KCNK10: variants seen among roughly 807,000 people sequenced by gnomAD.
KCNK10 encodes potassium two pore domain channel subfamily K member 10, also known as potassium channel subfamily K member 10.
A neutral mutation model predicts 47.7 loss-of-function variants in KCNK10; 25 were observed. That is an observed-to-expected ratio of 0.52 (90% confidence interval 0.38 to 0.73). The LOEUF is 0.73. KCNK10 is among the 30% of genes least tolerant of loss of function. The pLI, the probability that KCNK10 is intolerant of heterozygous loss-of-function variation, is 0.00. For missense variants in KCNK10, 563 were observed against 714.5 expected, an observed-to-expected ratio of 0.79 and a Z score of 2.42; for synonymous variants, 303 against 285.6, an observed-to-expected ratio of 1.06 and a Z score of -0.61.
chr14:88,205,647 T>C (rs545899114), intron 4 of KCNK10, among the ~76,000 whole-genome samples: 27 of 148,614 alleles, frequency 1.8e-4, no homozygotes, highest in Non-Finnish European at 1.0e-4. Context: ...CGGGTTCAAG[T>C]GATTCTCCTG....
intron 4 of KCNK10, among the ~76,000 whole-genome samples, chr14:88,218,910 A>G (rs1885710267): frequency 6.6e-6 from 1 of 152,220 alleles, no homozygotes; most frequent in Non-Finnish European, 1.5e-5. Flanking sequence ...CTCAGGAAGA[A>G]TTATTTTTAC....
intron 1 of KCNK10, among the ~76,000 whole-genome samples, chr14:88,316,089 C>T (rs1840249913): frequency 6.6e-6 from 1 of 152,054 alleles, no homozygotes; most frequent in Admixed American, 6.6e-5. Flanking sequence ...CTAAAATCTC[C>T]TGAAATCCCA....
intron 3 of KCNK10, among the ~76,000 whole-genome samples, chr14:88,239,377 T>A (rs1301202769): frequency 6.6e-6 from 1 of 151,996 alleles, no homozygotes; most frequent in Non-Finnish European, 1.5e-5. Flanking sequence ...GTGCCAAGAG[T>A]TATCATTTAA....
At chr14:88,323,630 G>A (rs1228585069), upstream of KCNK10, 2 of 151,464 alleles carry the variant, frequency 1.3e-5, no homozygotes, top group Non-Finnish European at 3.0e-5. Context: ...ACGAGCGGTG[G>A]GCGCGCCGCT....
Position 88,287,694 on chromosome 14 carries a change from T to G in KCNK10, c.53-24143A>C, listed in dbSNP as rs1374193178. 1.1e-4 allele frequency among the ~76,000 whole-genome samples: 9 copies of G among 81,148 alleles called. No homozygotes were observed. The East Asian group carries it at 2.0e-3, about 18-fold the overall frequency. The allele number at this position is 81,148 out of a possible 152,430, so 53.2% of individuals were successfully genotyped here. ...TCCATGGTGTGTGTGTGTGTGTGTG[T>G]GTGTGTGTGTGTGTGTGTGTGTGTG... is the stretch of plus-strand genomic sequence containing the variant. On this transcript the variant is annotated intron_variant, in intron 1 of 6. Coordinates refer to ENST00000319231, the MANE Select transcript of KCNK10 (RefSeq NM_138317.3).
At chr14:88,266,850 C>T (rs924790739) in intron 1 of KCNK10, among the ~76,000 whole-genome samples, 5 of 152,174 alleles carry the variant, frequency 3.3e-5, no homozygotes, top group East Asian at 1.9e-4. Context: ...GGCTGGACTC[C>T]GTCACTGACC....
At chr14:88,230,106 C>A (rs1213197595) in intron 3 of KCNK10, among the ~76,000 whole-genome samples, 1 of 152,118 alleles carries the variant, frequency 6.6e-6, no homozygotes, top group African/African-American at 2.4e-5. Context: ...GAGTTACATG[C>A]AAAGCAAGAG....
intron 1 of KCNK10, among the ~76,000 whole-genome samples, chr14:88,280,376 T>C (rs1887623659): frequency 6.6e-6 from 1 of 152,176 alleles, no homozygotes; most frequent in African/African-American, 2.4e-5. Context: ...GCCTAAACAC[T>C]GGACTTCCGT....
chr14:88,270,660 G>A (rs1887382902), intron 1 of KCNK10: 2 of 778,106 alleles, frequency 2.6e-6, no homozygotes, highest in South Asian at 1.3e-5. Flanking sequence ...GGGGGAAGAG[G>A]GAGCTAGAAC....
chr14:88,280,686 T>C (rs1410844959), intron 1 of KCNK10, among the ~76,000 whole-genome samples: 3 of 152,272 alleles, frequency 2.0e-5, no homozygotes, highest in Middle Eastern at 6.8e-3. Context: ...GAGGCAGCCT[T>C]ACTTTCTGTT....
intron 1 of KCNK10, among the ~76,000 whole-genome samples, chr14:88,291,866 AG>A (rs1887886737): frequency 6.6e-6 from 1 of 152,190 alleles, no homozygotes. Context: ...TGGGCCAAGT[AG>A]GCACTGGATG....
At chr14:88,304,681 T>C (rs1018065745) in intron 1 of KCNK10, among the ~76,000 whole-genome samples, 1 of 152,212 alleles carries the variant, frequency 6.6e-6, no homozygotes, top group Non-Finnish European at 1.5e-5. Context: ...GTTTGCACTG[T>C]TTAAAATCAC....
At chr14:88,218,432 T>G (rs1465106031) in intron 4 of KCNK10, among the ~76,000 whole-genome samples, 1 of 152,204 alleles carries the variant, frequency 6.6e-6, no homozygotes, top group East Asian at 1.9e-4. Context: ...GTTCTAAATT[T>G]TCCAAGTAAT....
intron 1 of KCNK10, among the ~76,000 whole-genome samples, chr14:88,287,628 C>A (rs764737075): frequency 2.0e-5 from 3 of 151,780 alleles, no homozygotes; most frequent in Non-Finnish European, 2.9e-5. Flanking sequence ...CAGGTTGCTG[C>A]AGATGCCATC....
intron 1 of KCNK10, among the ~76,000 whole-genome samples, chr14:88,282,775 A>G (rs1272492262): frequency 6.6e-6 from 1 of 152,240 alleles, no homozygotes; most frequent in Non-Finnish European, 1.5e-5. Flanking sequence ...TGAAAATTAC[A>G]GCATGTAATA....
In KCNK10 at chr14:88,316,711, A is replaced by T. The variant is rs543793275; in HGVS notation, c.52+6036T>A. On this transcript the variant is annotated intron_variant, in intron 1 of 6. Coordinates refer to ENST00000319231, the MANE Select transcript of KCNK10 (RefSeq NM_138317.3). ...TCATTTTTATCCACCTTTCTGCATC[A>T]GCCAAGGGAGCTGTCCAAACTGAAA... 5.9e-5 allele frequency among the ~76,000 whole-genome samples: 9 copies of T among 152,358 alleles called. No homozygotes were observed. In the East Asian group the frequency reaches 1.7e-3, roughly 29 times the overall value.
upstream of KCNK10, chr14:88,326,479 G>A: frequency 6.2e-7 from 1 of 1,607,458 alleles, no homozygotes; most frequent in Non-Finnish European, 8.5e-7. Context: ...CGCTCCAAGC[G>A]GTTCTGTCTC....
chr14:88,295,563 G>A (rs889940029), intron 1 of KCNK10, among the ~76,000 whole-genome samples: 3 of 152,138 alleles, frequency 2.0e-5, no homozygotes, highest in African/African-American at 7.2e-5. Context: ...GGGAGGCTGA[G>A]GCAGGAGAAT....
intron 4 of KCNK10, among the ~76,000 whole-genome samples, chr14:88,214,774 T>C (rs942560761): frequency 2.0e-5 from 3 of 152,158 alleles, no homozygotes; most frequent in Non-Finnish European, 4.4e-5. Flanking sequence ...AGAGAGAGCA[T>C]GAAGTCAGAA....
Sources: allele counts gnomAD v4.1 joint callset (sites outside exome capture counted in the v4.1 genomes callset), GRCh38; gene constraint gnomAD v4.1.1; transcripts MANE v1.5; gene names NCBI Gene and HGNC (gene_info 2026-07-23, HGNC 2026-07-21).